MAN1C1: variants seen among roughly 807,000 people sequenced by gnomAD.
The protein encoded by MAN1C1 is mannosyl-oligosaccharide 1,2-alpha-mannosidase IC.
Under a neutral mutation model 71.5 loss-of-function variants are expected in MAN1C1, and 49 were observed. The observed-to-expected ratio is 0.69, with a 90% confidence interval of 0.54 to 0.87. MAN1C1 has a LOEUF of 0.87. Among genes scored for constraint, MAN1C1 ranks in the 40% least tolerant of loss-of-function variants. The pLI is 0.00. For missense variants in MAN1C1, 743 were observed against 835.0 expected, an observed-to-expected ratio of 0.89 and a Z score of 1.36; for synonymous variants, 352 against 343.7, an observed-to-expected ratio of 1.02 and a Z score of -0.27.
chr1:25,693,144 G>T lies in MAN1C1; in HGVS notation c.637+6608G>T, dbSNP rs1475830415. Among the ~76,000 whole-genome samples, 16 of 152,238 alleles carry T rather than the reference G, an allele frequency of 1.1e-4. No homozygotes were observed. In the South Asian group the frequency reaches 3.3e-3, roughly 32 times the overall value. On this transcript the variant is annotated intron_variant, in intron 2 of 11. Coordinates refer to ENST00000374332, the MANE Select transcript of MAN1C1 (RefSeq NM_020379.4). ...TTGTATGTTCTGTGTATTATATACTGTATTATAATAACATAAGCTAGAGAA... is the reference window on the plus strand; with the variant it reads ...TTGTATGTTCTGTGTATTATATACTTTATTATAATAACATAAGCTAGAGAA...
chr1:25,703,379 T>C (rs2046473104), intron 2 of MAN1C1, among the ~76,000 whole-genome samples: 1 of 152,080 alleles, frequency 6.6e-6, no homozygotes, highest in Non-Finnish European at 1.5e-5. Flanking sequence ...CAGCTGATGT[T>C]TGGTGAAAGT....
rs1329518218 is a variant in MAN1C1, at chr1:25,771,926, C to T, written c.1257+154C>T. 3 of 618,172 alleles carry T rather than the reference C, an allele frequency of 4.9e-6. No individual in the cohort carries two copies. The East Asian group carries it at 8.4e-5, about 17-fold the overall frequency. The allele number at this position is 618,172 out of a possible 1,614,324, so 38.3% of individuals were successfully genotyped here. On this transcript the variant is annotated intron_variant, in intron 8 of 11. Transcript: ENST00000374332. Reference sequence around the variant, plus strand: ...CGGTGAGAAGATTGACAGGACAGTCCCCTCCCAGCCAGGCATTTTACACCC... The same window carrying T: ...CGGTGAGAAGATTGACAGGACAGTCTCCTCCCAGCCAGGCATTTTACACCC...
intron 6 of MAN1C1, chr1:25,759,946 A>C (rs2047339642): frequency 1.3e-5 from 2 of 151,282 alleles, no homozygotes; most frequent in South Asian, 2.1e-4. Context: ...CCTCCCTGAA[A>C]CTCCCCCATT....
chr1:25,738,434 C>A (rs2047013001), intron 2 of MAN1C1, among the ~76,000 whole-genome samples: 1 of 152,168 alleles, frequency 6.6e-6, no homozygotes, highest in Non-Finnish European at 1.5e-5. Context: ...TCCTAAAAAA[C>A]CCATGTGGCA....
At chr1:25,687,533 A>G (rs2786864) in intron 2 of MAN1C1, among the ~76,000 whole-genome samples, 12,280 of 152,302 alleles carry the variant, frequency 0.081, 705 homozygotes, top group African/African-American at 0.16. Flanking sequence ...GTCAGGAACC[A>G]AATAACTGAG....
At chr1:25,738,941 C>T (rs963106288) in intron 2 of MAN1C1, among the ~76,000 whole-genome samples, 2 of 152,022 alleles carry the variant, frequency 1.3e-5, no homozygotes, top group African/African-American at 2.4e-5. Flanking sequence ...ATGGGAGGAT[C>T]GCTTGAGGCC....
At chr1:25,629,553 G>A (rs1460004623) in intron 1 of MAN1C1, among the ~76,000 whole-genome samples, 3 of 151,940 alleles carry the variant, frequency 2.0e-5, no homozygotes, top group Non-Finnish European at 2.9e-5. Context: ...CTCCTACCTC[G>A]GGATCACAGG....
chr1:25,743,981 G>C (rs1169058391), intron 2 of MAN1C1, among the ~76,000 whole-genome samples: 4 of 152,210 alleles, frequency 2.6e-5, no homozygotes, highest in Admixed American at 1.3e-4. Context: ...TTGGCCTGGG[G>C]CTGGGCCAGT....
intron 2 of MAN1C1, among the ~76,000 whole-genome samples, chr1:25,743,289 A>G (rs1048179075): frequency 6.6e-6 from 1 of 152,232 alleles, no homozygotes; most frequent in Middle Eastern, 3.2e-3. Flanking sequence ...GAACTGGAAC[A>G]GGAAAGTGGA....
chr1:25,663,132 ATAT>A (rs1464474990), intron 1 of MAN1C1, among the ~76,000 whole-genome samples: 10 of 147,966 alleles, frequency 6.8e-5, no homozygotes, highest in Non-Finnish European at 1.0e-4. Flanking sequence ...TTATTTATTT[ATAT>A]TATTTATTTT....
chr1:25,639,082 A>G (rs1348209548), intron 1 of MAN1C1, among the ~76,000 whole-genome samples: 1 of 152,044 alleles, frequency 6.6e-6, no homozygotes, highest in Non-Finnish European at 1.5e-5. Context: ...AGGATAATTT[A>G]TAGTAACCTA....
At chr1:25,694,146 G>A (rs1196277893) in intron 2 of MAN1C1, among the ~76,000 whole-genome samples, 1 of 152,188 alleles carries the variant, frequency 6.6e-6, no homozygotes, top group East Asian at 1.9e-4. Flanking sequence ...GGGTTTGGCT[G>A]GGTAAGGGCT....
intron 1 of MAN1C1, among the ~76,000 whole-genome samples, chr1:25,685,875 C>T (rs775338396): frequency 6.6e-6 from 1 of 152,092 alleles, no homozygotes; most frequent in African/African-American, 2.4e-5. Context: ...CAAAGAGACT[C>T]GTATGGTGAT....
chr1:25,728,486 C>T (rs1032918748), intron 2 of MAN1C1, among the ~76,000 whole-genome samples: 1 of 152,172 alleles, frequency 6.6e-6, no homozygotes, highest in Non-Finnish European at 1.5e-5. Context: ...GCTGCTGTGA[C>T]AGATAAACCC....
intron 1 of MAN1C1, among the ~76,000 whole-genome samples, chr1:25,672,949 G>T (rs981285856): frequency 3.5e-4 from 53 of 152,200 alleles, no homozygotes; most frequent in African/African-American, 1.2e-3. Flanking sequence ...TTTTCAAAGG[G>T]TGGCCCTGGT....
chr1:25,678,219 C>T (rs557817104), intron 1 of MAN1C1, among the ~76,000 whole-genome samples: 62 of 152,248 alleles, frequency 4.1e-4, no homozygotes, highest in African/African-American at 1.3e-3. Context: ...ATATACTGAG[C>T]ATTTTTGCCT....
intron 1 of MAN1C1, among the ~76,000 whole-genome samples, chr1:25,660,628 C>T (rs184036845): frequency 1.6e-4 from 24 of 151,312 alleles, no homozygotes; most frequent in East Asian, 1.4e-3. Flanking sequence ...CTCCTGACCT[C>T]GTGATCCGCC....
intron 1 of MAN1C1, among the ~76,000 whole-genome samples, chr1:25,685,387 G>A (rs1380075236): frequency 6.6e-6 from 1 of 152,196 alleles, no homozygotes; most frequent in African/African-American, 2.4e-5. Context: ...CGCGGGCCCC[G>A]GCTCCTCCTC....
rs377520036 is a variant in MAN1C1, at chr1:25,740,419, TTTGTTGTTG to T, written c.638-6232_638-6224del. Among the ~76,000 whole-genome samples, 690 of 151,640 alleles carry T rather than the reference TTTGTTGTTG, an allele frequency of 4.6e-3. 4 individuals carry two copies. Among genetic ancestry groups the T allele is most frequent in the African/African-American group, 0.015 (638 of 41,312 alleles). On this transcript the variant is annotated intron_variant, in intron 2 of 11. Coordinates refer to ENST00000374332, the MANE Select transcript of MAN1C1 (RefSeq NM_020379.4). ...GGAGTGGCATGATATGACTTGAATT[TTTGTTGTTG>T]TTGTTGTTGTTGTTGTCGTTGTTGT...
Sources: allele counts gnomAD v4.1 joint callset (sites outside exome capture counted in the v4.1 genomes callset), GRCh38; gene constraint gnomAD v4.1.1; transcripts MANE v1.5; gene names NCBI Gene and HGNC (gene_info 2026-07-23, HGNC 2026-07-21).